ADGRL3: variants seen among roughly 807,000 people sequenced by gnomAD.
The protein encoded by ADGRL3 is calcium-independent alpha-latrotoxin receptor 3.
A neutral mutation model predicts 153.5 loss-of-function variants in ADGRL3; 62 were observed. The ratio of observed to expected loss-of-function variants is 0.40; its 90% CI spans 0.33 to 0.50. The LOEUF (loss-of-function observed/expected upper bound fraction) is 0.50. Ranked by LOEUF, ADGRL3 falls within the 20% of genes least tolerant of loss-of-function variation. The pLI is 0.47. For missense variants in ADGRL3, 1,641 were observed against 1,859.4 expected, an observed-to-expected ratio of 0.88 and a Z score of 2.16; for synonymous variants, 710 against 672.5, an observed-to-expected ratio of 1.06 and a Z score of -0.86.
chr4:61,972,040 G>A (rs1216135191), intron 17 of ADGRL3, among the ~76,000 whole-genome samples: 4 of 151,842 alleles, frequency 2.6e-5, no homozygotes, highest in African/African-American at 9.7e-5. Context: ...TGAGTTCATT[G>A]TAGATTCTGG....
intron 8 of ADGRL3, among the ~76,000 whole-genome samples, chr4:61,785,702 T>C (rs1466255729): frequency 6.6e-6 from 1 of 152,242 alleles, no homozygotes; most frequent in Non-Finnish European, 1.5e-5. Context: ...AATGCAGTGC[T>C]ATTTCTAACA....
chr4:61,972,463 G>A (rs1316884594), intron 17 of ADGRL3, among the ~76,000 whole-genome samples: 1 of 152,152 alleles, frequency 6.6e-6, no homozygotes, highest in Non-Finnish European at 1.5e-5. Flanking sequence ...AGATCAGATA[G>A]TTGTAGATAT....
intron 16 of ADGRL3, 78 bp from the exon 17 acceptor site, chr4:61,948,022 A>G (rs2098932625): frequency 8.6e-7 from 1 of 1,167,430 alleles, no homozygotes; most frequent in Admixed American, 2.4e-5. Context: ...AAGTTGTATT[A>G]TATGTAAAGA....
chr4:61,546,188 A>G (rs2098713177), intron 4 of ADGRL3, among the ~76,000 whole-genome samples: 1 of 152,192 alleles, frequency 6.6e-6, no homozygotes. Context: ...TCCGGATTTC[A>G]ACTCTCTGAC....
intron 9 of ADGRL3, among the ~76,000 whole-genome samples, chr4:61,827,600 A>G (rs1311777833): frequency 1.3e-5 from 2 of 152,206 alleles, no homozygotes; most frequent in African/African-American, 4.8e-5. Flanking sequence ...TTAGTAGGAT[A>G]TTTCATAAAA....
At chr4:61,786,285 A>G (rs937622902) in intron 8 of ADGRL3, among the ~76,000 whole-genome samples, 4 of 152,162 alleles carry the variant, frequency 2.6e-5, no homozygotes, top group Admixed American at 1.3e-4. Context: ...CATTTAGTCA[A>G]TGGTTCTTAC....
chr4:62,040,325 A>G (rs1239400719), intron 24 of ADGRL3, among the ~76,000 whole-genome samples: 1 of 152,056 alleles, frequency 6.6e-6, no homozygotes, highest in African/African-American at 2.4e-5. Context: ...TAATATCACA[A>G]TTCTACTCTT....
chr4:61,657,294 GC>G (rs2094467208), intron 5 of ADGRL3, among the ~76,000 whole-genome samples: 1 of 151,944 alleles, frequency 6.6e-6, no homozygotes, highest in Non-Finnish European at 1.5e-5. Context: ...CTTCTTTCAT[GC>G]CTAAAGGGAC....
Position 61,428,894 on chromosome 4 carries a change from CATCTATCTATCTATCTATCT to C in ADGRL3, c.-174+45734_-174+45753del, listed in dbSNP as rs5858699. On this transcript the variant is annotated intron_variant, in intron 2 of 26. Coordinates refer to ENST00000683033, the MANE Select transcript of ADGRL3 (RefSeq NM_001387552.1). ...ATCTATATCATCTATCTATCTATAT[CATCTATCTATCTATCTATCT>C]ATCTATCTATCTATCTATCTATCTA... 6.2e-3 allele frequency among the ~76,000 whole-genome samples: 614 copies of C among 98,332 alleles called. 4 individuals carry two copies. The highest frequency in any genetic ancestry group is 0.019 in the African/African-American group (570 of 30,284). 64.5% of individuals were successfully genotyped at this position (98,332 alleles called of 152,430 possible).
intron 17 of ADGRL3, among the ~76,000 whole-genome samples, chr4:61,963,590 A>G (rs865905734): frequency 1.3e-5 from 2 of 152,252 alleles, no homozygotes; most frequent in African/African-American, 4.8e-5. Context: ...AAAGGACTTG[A>G]TTTTATTCTT....
At chr4:62,061,815 A>C (rs114199872) in intron 25 of ADGRL3, among the ~76,000 whole-genome samples, 6 of 152,054 alleles carry the variant, frequency 3.9e-5, no homozygotes, top group Admixed American at 3.3e-4. Context: ...TTTGTTGACT[A>C]GTACTTCATG....
intron 13 of ADGRL3, among the ~76,000 whole-genome samples, chr4:61,923,566 C>T (rs916909053): frequency 3.9e-5 from 6 of 152,138 alleles, no homozygotes; most frequent in African/African-American, 1.2e-4. Context: ...ACTTTCAGTG[C>T]GTGTCTCTGT....
At chr4:61,314,494 C>T (rs923715178) in intron 1 of ADGRL3, among the ~76,000 whole-genome samples, 1 of 152,234 alleles carries the variant, frequency 6.6e-6, no homozygotes, top group Non-Finnish European at 1.5e-5. Flanking sequence ...AGGCGTGAGC[C>T]ACTGCGCTGG....
chr4:61,356,564 C>T (rs1007178901), intron 1 of ADGRL3, among the ~76,000 whole-genome samples: 16 of 152,058 alleles, frequency 1.1e-4, no homozygotes, highest in African/African-American at 3.9e-4. Context: ...TTTTTGTAAG[C>T]ACTTTGTAAT....
At chr4:61,804,808 A>G (rs1434147764) in intron 8 of ADGRL3, among the ~76,000 whole-genome samples, 1 of 152,150 alleles carries the variant, frequency 6.6e-6, no homozygotes, top group Non-Finnish European at 1.5e-5. Flanking sequence ...ACACTTTTTC[A>G]GTCAAATTCA....
intron 8 of ADGRL3, among the ~76,000 whole-genome samples, chr4:61,736,815 G>A (rs550673249): frequency 1.3e-3 from 203 of 152,272 alleles, no homozygotes; most frequent in Non-Finnish European, 2.4e-3. Flanking sequence ...TTTACAAATA[G>A]TGAAATTTCA....
At chr4:61,543,465 C>A (rs1394872579) in intron 4 of ADGRL3, among the ~76,000 whole-genome samples, 2 of 152,186 alleles carry the variant, frequency 1.3e-5, no homozygotes, top group Non-Finnish European at 2.9e-5. Context: ...ACATAGCCTT[C>A]CTGACTGGCT....
At chr4:61,589,092 T>C (rs771783084) in intron 5 of ADGRL3, among the ~76,000 whole-genome samples, 19 of 152,074 alleles carry the variant, frequency 1.2e-4, no homozygotes, top group Non-Finnish European at 2.4e-4. Context: ...AATGGATCCT[T>C]TGGAGTCACT....
intron 25 of ADGRL3, among the ~76,000 whole-genome samples, chr4:62,056,964 G>C (rs187666667): frequency 6.6e-6 from 1 of 151,944 alleles, no homozygotes; most frequent in African/African-American, 2.4e-5. Flanking sequence ...ACATCACCAA[G>C]GTTTTGAATT....
Sources: allele counts gnomAD v4.1 joint callset (sites outside exome capture counted in the v4.1 genomes callset), GRCh38; gene constraint gnomAD v4.1.1; transcripts MANE v1.5; gene names NCBI Gene and HGNC (gene_info 2026-07-23, HGNC 2026-07-21).